The following ZNF680 variants were observed in gnomAD, a reference collection of about 807,000 sequenced individuals.
ZNF680 encodes the protein hypothetical protein FLJ90430.
In ZNF680, 6 loss-of-function variants were observed where a neutral mutation model predicts 12.1. The observed-to-expected ratio is 0.49, with a 90% confidence interval of 0.27 to 0.98. The LOEUF (loss-of-function observed/expected upper bound fraction) is 0.98, where lower values mean the gene tolerates loss of function less well. ZNF680 is among the 50% of genes least tolerant of loss of function. The pLI, the probability that ZNF680 is intolerant of heterozygous loss-of-function variation, is 0.12. For synonymous variants in ZNF680, 170 were observed against 199.3 expected (o/e 0.85, Z 1.24); for missense variants, 561 against 616.3 (o/e 0.91, Z 0.95).
chr7:64,527,532 C>G (rs1791930122), intron 3 of ZNF680, among the ~76,000 whole-genome samples: 1 of 151,996 alleles, frequency 6.6e-6, no homozygotes, highest in South Asian at 2.1e-4. Context: ...CCCGTCTCTA[C>G]TAAAAATACA....
chr7:64,515,288 T>TAC (rs767271696), downstream of ZNF680, among the ~76,000 whole-genome samples: 32 of 150,040 alleles, frequency 2.1e-4, 1 homozygote, highest in Middle Eastern at 0.017. Context: ...CACACACACA[T>TAC]ACACACACAC....
At chr7:64,559,437 C>T (rs1410974827) in intron 1 of ZNF680, among the ~76,000 whole-genome samples, 2 of 151,442 alleles carry the variant, frequency 1.3e-5, no homozygotes, top group African/African-American at 4.9e-5. Context: ...GGAGCACAGG[C>T]GTATAAATCC....
chr7:64,557,562 CAAAAAAACA>C (rs1306871224), intron 1 of ZNF680, among the ~76,000 whole-genome samples: 5 of 58,778 alleles, frequency 8.5e-5, no homozygotes, highest in African/African-American at 5.8e-4. Context: ...CTCAAAAAAA[CAAAAAAACA>C]AAAAAAAACA....
At chr7:64,547,863 C>A (rs1437172882) in intron 1 of ZNF680, among the ~76,000 whole-genome samples, 1 of 152,070 alleles carries the variant, frequency 6.6e-6, no homozygotes, top group Non-Finnish European at 1.5e-5. Context: ...ATATTTTTCC[C>A]ATTAATCTGC....
Position 64,521,400 on chromosome 7 carries a change from G to A in ZNF680, c.1354C>T (p.His452Tyr), listed in dbSNP as rs747895946. 8 of 1,613,412 alleles carry A rather than the reference G, an allele frequency of 5.0e-6. No individual in the cohort carries two copies. The highest frequency in any genetic ancestry group is 6.8e-6 in the Non-Finnish European group (8 of 1,179,690). ...TTCTCTCCAGTATGAATTACTTTAT[G>A]GTTAGTAAGGGTTGAAAATAAAGTA... is the stretch of plus-strand genomic sequence containing the variant. Reference protein sequence around the residue: ...GFTLFSTLTNHKVIHTGEKSY... With the variant: ...GFTLFSTLTNYKVIHTGEKSY... The change falls in exon 4 of 4, where the codon CAT (histidine) becomes TAT (tyrosine). Residue 452 changes from histidine (H) to tyrosine (Y), a missense_variant. By Grantham distance (83) the His-to-Tyr change is moderately conservative. Coordinates refer to ENST00000309683, the MANE Select transcript of ZNF680 (RefSeq NM_178558.5).
intron 2 of ZNF680, 71 bp downstream of exon 2, chr7:64,544,235 C>T (rs1363920710): frequency 4.6e-6 from 7 of 1,535,514 alleles, no homozygotes; most frequent in African/African-American, 1.4e-5. Flanking sequence ...CAAATTACCA[C>T]AAGTTATGCA....
chr7:64,541,253 T>C (rs1380442914), intron 3 of ZNF680, among the ~76,000 whole-genome samples: 2 of 152,186 alleles, frequency 1.3e-5, no homozygotes, highest in African/African-American at 4.8e-5. Flanking sequence ...AATTCTAGCA[T>C]ATTGTCCTAA....
chr7:64,546,778 C>T (rs1220589115), intron 1 of ZNF680, among the ~76,000 whole-genome samples: 1 of 152,036 alleles, frequency 6.6e-6, no homozygotes, highest in Admixed American at 6.6e-5. Flanking sequence ...TTCTCAGGTG[C>T]CCTCCCCAGG....
chr7:64,533,854 T>C lies in ZNF680; in HGVS notation c.253+9853A>G, dbSNP rs541512257. Among the ~76,000 whole-genome samples the C allele has an allele frequency of 2.5e-4, 38 of 152,102 alleles. No homozygotes were observed. The South Asian group carries it at 7.7e-3, about 31-fold the overall frequency. ...CGGAACAGAATAGCGAACCCAGAAA[T>C]AAACTCAAATACTTACAGCCAACTG... On this transcript the variant is annotated intron_variant, in intron 3 of 3. Transcript: ENST00000309683.
chr7:64,538,619 G>A (rs1786306989), intron 3 of ZNF680, among the ~76,000 whole-genome samples: 2 of 152,106 alleles, frequency 1.3e-5, no homozygotes, highest in South Asian at 2.1e-4. Context: ...CATCAAATCA[G>A]TTGATGATGC....
chr7:64,511,228 C>T, the ZNF680 span, among the ~76,000 whole-genome samples: 1 of 151,974 alleles, frequency 6.6e-6, no homozygotes, highest in African/African-American at 2.4e-5. Flanking sequence ...CAAGATTGGG[C>T]CACTGCACTC....
chr7:64,511,264 C>T, the ZNF680 span, among the ~76,000 whole-genome samples: 9 of 151,660 alleles, frequency 5.9e-5, no homozygotes, highest in South Asian at 1.5e-3. Flanking sequence ...AGCAAGACAC[C>T]GTCTCAAAAA....
intron 3 of ZNF680, among the ~76,000 whole-genome samples, chr7:64,542,344 T>C (rs563918414): frequency 1.3e-5 from 2 of 152,300 alleles, no homozygotes; most frequent in Non-Finnish European, 2.9e-5. Context: ...ATACTTTATT[T>C]TAACATAGAA....
At chr7:64,531,607 A>AAC (rs1235482430) in intron 3 of ZNF680, among the ~76,000 whole-genome samples, 2 of 151,760 alleles carry the variant, frequency 1.3e-5, no homozygotes, top group East Asian at 1.9e-4. Flanking sequence ...AAAAAAAAAA[A>AAC]AAAAAAAACC....
At position 64,544,439 on chromosome 7, in the gene ZNF680, A is replaced by AAC. The variant is rs3217570; in HGVS notation, c.31-9_31-8dup. 0.024 allele frequency: 36,593 copies of AAC among 1,532,222 alleles called. 61 individuals are homozygous for AAC. Among genetic ancestry groups the AAC allele is most frequent in the South Asian group, 0.026 (2,268 of 87,616 alleles). The allele number at this position is 1,532,222 out of a possible 1,614,324, so 94.9% of individuals were successfully genotyped here. On this transcript the variant is annotated splice_region_variant and splice_polypyrimidine_tract_variant and intron_variant, in intron 1 of 3. Coordinates refer to ENST00000309683, the MANE Select transcript of ZNF680 (RefSeq NM_178558.5). The stretch of plus-strand genomic sequence containing the variant: ...CCCTAAATGTCAGTGGTCCCTGAAA[A>AAC]ACACACACACACACACACACACACA...
the ZNF680 span, chr7:64,501,246 T>C: frequency 2.2e-6 from 2 of 898,418 alleles, no homozygotes; most frequent in Admixed American, 3.5e-5. Flanking sequence ...GCCCAGCACA[T>C]TTTCCTCCTC....
intron 3 of ZNF680, among the ~76,000 whole-genome samples, chr7:64,535,664 C>T (rs1190665185): frequency 1.3e-5 from 2 of 151,978 alleles, no homozygotes; most frequent in Non-Finnish European, 2.9e-5. Context: ...AAGTACTTGG[C>T]CAGGCACGGT....
rs765381394 is a variant in ZNF680 at position 64,522,415 on chromosome 7, T to G, written c.339A>C (p.Gly113=). Residue 113 remains glycine (G), a synonymous_variant, in exon 4 of 4, where the codon GGA becomes GGC. Coordinates refer to ENST00000309683, the MANE Select transcript of ZNF680 (RefSeq NM_178558.5). ...ATTGTAAATTCTCATGTCCACATTT[T>G]CCATATCCTCTCAGTATCACTTTTT... ...SFQKVILRGY[G]KCGHENLQLR... is the part of the protein sequence containing the mutation. 1.4e-5 allele frequency: 22 copies of G among 1,611,204 alleles called. 1 individual carries two copies. In the South Asian group the frequency reaches 2.3e-4, roughly 17 times the overall value.
chr7:64,553,656 C>T (rs1787204921), intron 1 of ZNF680, among the ~76,000 whole-genome samples: 1 of 152,248 alleles, frequency 6.6e-6, no homozygotes, highest in African/African-American at 2.4e-5. Flanking sequence ...GACTGTACTG[C>T]CGCCATCTCG....
Sources: allele counts gnomAD v4.1 joint callset (sites outside exome capture counted in the v4.1 genomes callset), GRCh38; gene constraint gnomAD v4.1.1; transcripts MANE v1.5; gene names NCBI Gene and HGNC (gene_info 2026-07-23, HGNC 2026-07-21).